FAM135A: variants seen among roughly 807,000 people sequenced by gnomAD.
The protein encoded by FAM135A is protein FAM135A.
FAM135A carries 79 observed loss-of-function variants against 146.8 expected under a neutral mutation model. The ratio of observed to expected loss-of-function variants is 0.54; its 90% CI spans 0.45 to 0.65. FAM135A has a LOEUF of 0.65. Ranked by LOEUF, FAM135A falls within the 30% of genes least tolerant of loss-of-function variation. The probability of loss-of-function intolerance (pLI) is 0.00; values close to 1 mark genes in which losing one functional copy is unlikely to be tolerated. For missense variants in FAM135A, 1,623 were observed against 1,758.2 expected (o/e 0.92, Z 1.38); for synonymous variants, 562 against 603.6 (o/e 0.93, Z 1.01).
intron 18 of FAM135A, 30 bp from the exon 19 acceptor site, chr6:70,536,230 G>T: frequency 6.4e-7 from 1 of 1,565,960 alleles, no homozygotes. Flanking sequence ...CTAATGCTGT[G>T]AGAAAATTAA....
chr6:70,421,549 G>A (rs1004176697), intron 2 of FAM135A, among the ~76,000 whole-genome samples: 3 of 152,192 alleles, frequency 2.0e-5, no homozygotes, highest in Non-Finnish European at 4.4e-5. Flanking sequence ...GACTGGCAGA[G>A]AAATCAAATC....
At chr6:70,461,230 G>T (rs1779387926) in intron 5 of FAM135A, among the ~76,000 whole-genome samples, 1 of 152,132 alleles carries the variant, frequency 6.6e-6, no homozygotes, top group Non-Finnish European at 1.5e-5. Flanking sequence ...TCTTCCTACT[G>T]TGCTACCTGG....
intron 3 of FAM135A, 181 bp downstream of exon 3, chr6:70,426,713 G>A (rs185133679): frequency 5.9e-5 from 9 of 152,312 alleles, no homozygotes; most frequent in Admixed American, 3.3e-4. Flanking sequence ...GATCAAGGTC[G>A]AGGATTGTTT....
rs148815206 is a variant in FAM135A, at chr6:70,427,878, A to G, written c.-39-426A>G. Among the ~76,000 whole-genome samples the G allele has an allele frequency of 3.3e-5, 5 of 152,316 alleles. No homozygotes were observed. The East Asian group carries it at 7.7e-4, about 23-fold the overall frequency. On this transcript the variant is annotated intron_variant, in intron 3 of 21. Transcript: ENST00000418814. ...TTCACTTAAAGAAAAACCTTTCATC[A>G]GCTTAACTGGGGATTGAAGAGTGTT...
chr6:70,443,305 G>A (rs767321000), intron 4 of FAM135A, among the ~76,000 whole-genome samples: 3 of 152,128 alleles, frequency 2.0e-5, no homozygotes, highest in East Asian at 1.9e-4. Context: ...CCATCACCTC[G>A]TGATGGTAGT....
At chr6:70,516,700 A>G (rs751155285) in intron 12 of FAM135A, among the ~76,000 whole-genome samples, 12 of 151,660 alleles carry the variant, frequency 7.9e-5, no homozygotes, top group Non-Finnish European at 1.6e-4. Flanking sequence ...ATGCCTGGCT[A>G]ATTTTTTTGT....
chr6:70,521,830 T>G (rs1252360616), intron 12 of FAM135A, among the ~76,000 whole-genome samples: 1 of 152,234 alleles, frequency 6.6e-6, no homozygotes, highest in Non-Finnish European at 1.5e-5. Flanking sequence ...ATTCAACATG[T>G]ATTTATCAAG....
chr6:70,456,131 A>G (rs541372027), intron 5 of FAM135A, among the ~76,000 whole-genome samples: 16 of 152,320 alleles, frequency 1.1e-4, no homozygotes, highest in African/African-American at 3.4e-4. Flanking sequence ...ATTAATTCTT[A>G]ACCACTAAAG....
At chr6:70,516,535 T>C (rs1042676033) in intron 12 of FAM135A, among the ~76,000 whole-genome samples, 46 of 125,950 alleles carry the variant, frequency 3.7e-4, no homozygotes, top group African/African-American at 9.6e-4. Context: ...CTTTTCTTTT[T>C]TTTTTTTTTT....
intron 10 of FAM135A, 21 bp downstream of exon 10, chr6:70,482,175 CTT>C (rs746441837): frequency 6.2e-7 from 1 of 1,610,958 alleles, no homozygotes. Context: ...AGTAGCGAGA[CTT>C]ATTCTACAGT....
intron 4 of FAM135A, among the ~76,000 whole-genome samples, chr6:70,449,141 T>C (rs1776483596): frequency 6.6e-6 from 1 of 152,250 alleles, no homozygotes; most frequent in Non-Finnish European, 1.5e-5. Flanking sequence ...TTTTAAAATT[T>C]TTTTTGACAA....
chr6:70,522,399 C>A, intron 12 of FAM135A, 114 bp from the exon 13 acceptor site: 1 of 795,212 alleles, frequency 1.3e-6, no homozygotes, highest in Non-Finnish European at 2.1e-6. Flanking sequence ...AAGTTTAATT[C>A]TGACGGGTGA....
At chr6:70,493,907 G>A (rs1442095764) in intron 11 of FAM135A, among the ~76,000 whole-genome samples, 4 of 151,926 alleles carry the variant, frequency 2.6e-5, no homozygotes, top group Non-Finnish European at 5.9e-5. Context: ...ACAAAAATTA[G>A]CCGGGCATGG....
chr6:70,486,067 G>A (rs1784568758), intron 10 of FAM135A: 10 of 853,782 alleles, frequency 1.2e-5, no homozygotes, highest in Non-Finnish European at 1.8e-5. Context: ...TGCACTATCA[G>A]ATCAACACTA....
At chr6:70,450,267 A>G (rs2128020019) in intron 4 of FAM135A, among the ~76,000 whole-genome samples, 1 of 152,032 alleles carries the variant, frequency 6.6e-6, no homozygotes, top group South Asian at 2.1e-4. Flanking sequence ...AAGCTTTTTA[A>G]TTTGGCGTAA....
chr6:70,523,553 A>G lies in FAM135A; in HGVS notation c.1104-414A>G, dbSNP rs148942905. Among the ~76,000 whole-genome samples the G allele has an allele frequency of 1.5e-3, 226 of 152,262 alleles. 1 individual carries two copies. The highest frequency in any genetic ancestry group is 4.8e-3 in the African/African-American group (201 of 41,568). ...TAATTTTATTTGTCAATATATGTTA[A>G]GTAGAAACAGTAGAAATGAAACACG... On this transcript the variant is annotated intron_variant, in intron 13 of 21. Transcript: ENST00000418814.
chr6:70,539,715 G>A (rs1049543139), intron 20 of FAM135A, among the ~76,000 whole-genome samples: 2 of 152,158 alleles, frequency 1.3e-5, no homozygotes, highest in African/African-American at 4.8e-5. Flanking sequence ...CATTGACACG[G>A]CCGGGCGTGG....
At chr6:70,513,043 A>G (rs1209255048) in intron 12 of FAM135A, among the ~76,000 whole-genome samples, 34 of 151,396 alleles carry the variant, frequency 2.2e-4, no homozygotes, top group Admixed American at 2.2e-3. Flanking sequence ...TTCTGACTCT[A>G]TGGAATTGCC....
intron 4 of FAM135A, among the ~76,000 whole-genome samples, chr6:70,440,703 AT>A (rs1372014404): frequency 1.3e-5 from 2 of 152,158 alleles, no homozygotes; most frequent in African/African-American, 4.8e-5. Context: ...AAATTAAATA[AT>A]TCTGTAAGTA....
Sources: allele counts gnomAD v4.1 joint callset (sites outside exome capture counted in the v4.1 genomes callset), GRCh38; gene constraint gnomAD v4.1.1; transcripts MANE v1.5; gene names NCBI Gene and HGNC (gene_info 2026-07-23, HGNC 2026-07-21).